BCL11B: variants seen among roughly 807,000 people sequenced by gnomAD.
The protein encoded by BCL11B is BCL11 transcription factor B.
Under a neutral mutation model 49.9 loss-of-function variants are expected in BCL11B, and 8 were observed. The ratio of observed to expected loss-of-function variants is 0.16; its 90% confidence interval spans 0.09 to 0.29. The LOEUF is 0.29. BCL11B is among the 10% of genes least tolerant of loss of function. The pLI is 1.00. For synonymous variants in BCL11B, 739 were observed against 637.4 expected (o/e 1.16, Z -2.40); for missense variants, 1,006 against 1,351.0 (o/e 0.74, Z 4.00).
Position 99,192,270 on chromosome 14 carries a change from TACAGTAGC to T in BCL11B, c.641-16083_641-16076del, listed in dbSNP as rs1452720870. Among the ~76,000 whole-genome samples, 1 of 152,152 alleles carries T rather than the reference TACAGTAGC, an allele frequency of 6.6e-6. No homozygotes were observed. On this transcript the variant is annotated intron_variant, in intron 3 of 3. Coordinates refer to ENST00000357195, the MANE Select transcript of BCL11B (RefSeq NM_138576.4). The surrounding 1 kb of genome is among the most constrained non-coding windows in gnomAD (Gnocchi z 4.0). The stretch of plus-strand genomic sequence containing the variant: ...GCACACGGTGAACCTGGCTCTCGCA[TACAGTAGC>T]ACTTTCATTTTAAGCGCCCCAGCCA...
Position 99,234,478 on chromosome 14 carries a change from C to G in BCL11B, c.428-2921G>C, listed in dbSNP as rs930513908. Among the ~76,000 whole-genome samples the G allele has an allele frequency of 4.6e-5, 7 of 152,280 alleles. No homozygotes were observed. In the South Asian group the frequency reaches 8.3e-4, roughly 18 times the overall value. On this transcript the variant is annotated intron_variant, in intron 2 of 3. Transcript: ENST00000357195. ...GTGGGACAGGGTATGCACCCACACACGCACAGAGGAAGCCACCAGAGCTCC... is the reference window on the plus strand; with the variant it reads ...GTGGGACAGGGTATGCACCCACACAGGCACAGAGGAAGCCACCAGAGCTCC...
At position 99,212,128 on chromosome 14, in the gene BCL11B, A is replaced by G. The variant is rs114598303; in HGVS notation, c.640+19217T>C. On this transcript the variant is annotated intron_variant, in intron 3 of 3. Coordinates refer to ENST00000357195, the MANE Select transcript of BCL11B (RefSeq NM_138576.4). ...TTTTCCAGGAGGTGCCATCAACCCAAGCAACTGCTCCTCCTACCCAGGGAT... is the reference window on the plus strand; with the variant it reads ...TTTTCCAGGAGGTGCCATCAACCCAGGCAACTGCTCCTCCTACCCAGGGAT... Among the ~76,000 whole-genome samples, 635 of 152,196 alleles carry G rather than the reference A, an allele frequency of 4.2e-3. 5 individuals are homozygous for G. Among genetic ancestry groups the G allele is most frequent in the African/African-American group, 0.015 (605 of 41,522 alleles).
At chr14:99,188,391 C>A (rs1466209143) in intron 3 of BCL11B, among the ~76,000 whole-genome samples, 1 of 152,234 alleles carries the variant, frequency 6.6e-6, no homozygotes, top group Non-Finnish European at 1.5e-5. Context: ...GAGACCATTA[C>A]CCAGTCCCAC....
At chr14:99,190,855 G>A (rs3915204) in intron 3 of BCL11B, among the ~76,000 whole-genome samples, 17,519 of 152,112 alleles carry the variant, frequency 0.12, 1,065 homozygotes, top group African/African-American at 0.15. Context: ...CTACAGGTGC[G>A]ACTGTGACAG....
rs767030988 is a variant in BCL11B at position 99,173,332 on chromosome 14, A to T, written c.*819T>A. On this transcript the variant is annotated 3_prime_UTR_variant, in exon 4 of 4. Transcript: ENST00000357195. ...CCATTTCCCAGAGGAGCCCTCCAAA[A>T]ACCCTATCTCTGGCGGCGCTGAGTC... is the stretch of plus-strand genomic sequence containing the variant. 37 of 220,486 alleles carry T rather than the reference A, an allele frequency of 1.7e-4. No homozygotes were observed. Among genetic ancestry groups the T allele is most frequent in the Non-Finnish European group, 3.0e-4 (33 of 110,014 alleles). The allele number at this position is 220,486 out of a possible 1,614,324, so 13.7% of individuals were successfully genotyped here.
intron 3 of BCL11B, among the ~76,000 whole-genome samples, chr14:99,229,067 G>C (rs1595265762): frequency 6.7e-6 from 1 of 149,520 alleles, no homozygotes; most frequent in Non-Finnish European, 1.5e-5. Context: ...TGGATGGATG[G>C]ATGGATGGAT....
At chr14:99,181,659 C>A (rs1405052619) in intron 3 of BCL11B, among the ~76,000 whole-genome samples, 1 of 152,210 alleles carries the variant, frequency 6.6e-6, no homozygotes, top group Non-Finnish European at 1.5e-5. Context: ...CAGGCCTTGA[C>A]CCTGGAGAGG....
chr14:99,255,405 G>GAAAA (rs67440207), intron 2 of BCL11B, among the ~76,000 whole-genome samples: 1 of 65,182 alleles, frequency 1.5e-5, no homozygotes, highest in African/African-American at 6.2e-5. Context: ...TCACAACCTG[G>GAAAA]AAAAAAAAAA....
intron 3 of BCL11B, among the ~76,000 whole-genome samples, chr14:99,191,329 C>T (rs1887021994): frequency 6.6e-6 from 1 of 151,986 alleles, no homozygotes; most frequent in Non-Finnish European, 1.5e-5. Flanking sequence ...AGCAACTGTC[C>T]CAAAAGTGGG....
chr14:99,174,929 T>TCGTCGC lies in BCL11B; in HGVS notation c.1901_1906dup (p.Gly634_Asp635dup), dbSNP rs760277241. Reference sequence around the variant, plus strand: ...GTCCCCGCAGCCGCCCGCGTCGTCGTCGTCGCCCGCGTCCCCGCCGCCCGC... The same window carrying TCGTCGC: ...GTCCCCGCAGCCGCCCGCGTCGTCGTCGTCGCCGTCGCCCGCGTCCCCGCCGCCCGC... On this transcript the variant is annotated inframe_insertion, in exon 4 of 4. Coordinates refer to ENST00000357195, the MANE Select transcript of BCL11B (RefSeq NM_138576.4). The TCGTCGC allele has an allele frequency of 1.6e-5, 21 of 1,312,306 alleles. No individual in the cohort carries two copies. The highest frequency in any genetic ancestry group is 1.9e-5 in the Non-Finnish European group (19 of 1,025,436). The allele number at this position is 1,312,306 out of a possible 1,614,324, so 81.3% of individuals were successfully genotyped here. A position where few individuals can be genotyped will look rare whatever the true frequency, so the allele number is the denominator to read the frequency against.
rs1014987615 is a variant in BCL11B, at chr14:99,248,297, C to T, written c.427+9174G>A. On this transcript the variant is annotated intron_variant, in intron 2 of 3. Coordinates refer to ENST00000357195, the MANE Select transcript of BCL11B (RefSeq NM_138576.4). The surrounding 1 kb of genome is among the most constrained non-coding windows in gnomAD (Gnocchi z 4.7). ...TCAAAAACAAAATAAAATGAAGCCT[C>T]GGGTGCCTTGCCTTCTCCAGCAAGG... Among the ~76,000 whole-genome samples the T allele has an allele frequency of 1.3e-5, 2 of 152,140 alleles. No homozygotes were observed. The highest frequency in any genetic ancestry group is 6.5e-5 in the Admixed American group (1 of 15,280).
At position 99,170,535 on chromosome 14, in the gene BCL11B, G is replaced by C. The variant is rs547589678; in HGVS notation, c.*3616C>G. On this transcript the variant is annotated 3_prime_UTR_variant, in exon 4 of 4. Transcript: ENST00000357195. ...AAAAATAAAATAGAGGATTAGGGGA[G>C]GAACAGACAGGAAGAAAAGAAATTA... is the stretch of plus-strand genomic sequence containing the variant. 2 of 229,818 alleles carry C rather than the reference G, an allele frequency of 8.7e-6. No individual in the cohort carries two copies. Among genetic ancestry groups the C allele is most frequent in the South Asian group, 1.8e-4 (1 of 5,446 alleles). The allele number at this position is 229,818 out of a possible 1,614,324, so 14.2% of individuals were successfully genotyped here. A position where few individuals can be genotyped will look rare whatever the true frequency, so the allele number is the denominator to read the frequency against.
In BCL11B at chr14:99,175,102, G is replaced by A. The variant is rs1886449189; in HGVS notation, c.1734C>T (p.Gly578=). Residue 578 remains glycine, a synonymous_variant, in exon 4 of 4, where the codon GGC becomes GGT. Transcript: ENST00000357195. The part of the protein sequence containing the change: ...NGGGGVPGVP[G]AGGGAAKALA... ...GCGCCTTGGCCGCGCCGCCCCCCGC[G>A]CCCGGGACCCCGGGCACCCCACCAC... The A allele has an allele frequency of 1.9e-6, 3 of 1,598,066 alleles. No homozygotes were observed. Among genetic ancestry groups the A allele is most frequent in the South Asian group, 1.1e-5 (1 of 90,766 alleles).
At chr14:99,265,919 C>T (rs992305043) in intron 1 of BCL11B, among the ~76,000 whole-genome samples, 3 of 152,226 alleles carry the variant, frequency 2.0e-5, no homozygotes, top group African/African-American at 4.8e-5. Context: ...GTGCAGTCTG[C>T]AGATTTCTTC....
chr14:99,237,464 A>G (rs1032639214), intron 2 of BCL11B, among the ~76,000 whole-genome samples: 4 of 152,134 alleles, frequency 2.6e-5, no homozygotes, highest in Admixed American at 1.3e-4. Context: ...GGCTCAGCTC[A>G]CTGCCCCAGA....
At position 99,271,225 on chromosome 14, in the gene BCL11B, G is replaced by C; in HGVS notation, c.-7C>G. Reference sequence around the variant, plus strand: ...CCTGTTTGCGGCGGGACATTGCCCCGGCATCTATTCTGGCATCGCCCGGAG... The same window carrying C: ...CCTGTTTGCGGCGGGACATTGCCCCCGCATCTATTCTGGCATCGCCCGGAG... On this transcript the variant is annotated 5_prime_UTR_variant, in exon 1 of 4. Transcript: ENST00000357195. 6.6e-7 allele frequency: 1 copy of C among 1,523,016 alleles called. No individual in the cohort carries two copies. The allele number at this position is 1,523,016 out of a possible 1,614,324, so 94.3% of individuals were successfully genotyped here.
At chr14:99,263,369 C>T (rs1006728799) in intron 1 of BCL11B, among the ~76,000 whole-genome samples, 1 of 152,174 alleles carries the variant, frequency 6.6e-6, no homozygotes, top group Non-Finnish European at 1.5e-5. Flanking sequence ...CAAGGGAAGG[C>T]GGCCGGTGCA....
rs753747298 is a variant in BCL11B, at chr14:99,174,859, C to T, written c.1977G>A (p.Ala659=). 1 of 1,210,862 alleles carries T rather than the reference C, an allele frequency of 8.3e-7. No individual in the cohort carries two copies. Among genetic ancestry groups the T allele is most frequent in the South Asian group, 3.5e-5 (1 of 28,472 alleles). 75.0% of individuals were successfully genotyped at this position (1,210,862 alleles called of 1,614,324 possible). Residue 659 remains alanine, a synonymous_variant, in exon 4 of 4, where the codon GCG becomes GCA. Coordinates refer to ENST00000357195, the MANE Select transcript of BCL11B (RefSeq NM_138576.4). ...GAVNGRGGGF[A]PGTEPFPGLF... ...GCCCGGGGAAGGGCTCGGTGCCTGG[C>T]GCGAAGCCGCCCCCGCGCCCGTTGA...
intron 3 of BCL11B, among the ~76,000 whole-genome samples, chr14:99,209,951 G>C (rs992646529): frequency 7.2e-5 from 11 of 152,090 alleles, no homozygotes; most frequent in Admixed American, 5.9e-4. Context: ...CCATAACCAG[G>C]AAGACCTCTG....
Sources: gnomAD v4.1 joint callset for allele counts (sites outside exome capture counted in the v4.1 genomes callset) on GRCh38, gnomAD v4.1.1 for gene constraint, Gnocchi (gnomAD v3.1) non-coding constraint, MANE v1.5 for transcripts, NCBI Gene and HGNC (gene_info 2026-07-23, HGNC 2026-07-21) for gene names.